The following RSPO3 variants were observed in gnomAD, a reference collection of about 807,000 sequenced individuals.
The protein encoded by RSPO3 is R-spondin 3, also known as R-spondin-3.
A neutral mutation model predicts 36.5 loss-of-function variants in RSPO3; 17 were observed. The ratio of observed to expected loss-of-function variants is 0.47; its 90% confidence interval spans 0.32 to 0.70. RSPO3 has a LOEUF of 0.70. RSPO3 is among the 30% of genes least tolerant of loss of function. The probability of loss-of-function intolerance (pLI) is 0.04; values close to 1 mark genes in which losing one functional copy is unlikely to be tolerated. For missense variants in RSPO3, 294 were observed against 322.5 expected, an observed-to-expected ratio of 0.91 and a Z score of 0.68; for synonymous variants, 108 against 107.0, an observed-to-expected ratio of 1.01 and a Z score of -0.06.
At chr6:127,163,237 C>G (rs540687014) in intron 4 of RSPO3, among the ~76,000 whole-genome samples, 1 of 152,238 alleles carries the variant, frequency 6.6e-6, no homozygotes, top group East Asian at 1.9e-4. Flanking sequence ...CTTTCATGCT[C>G]CTGTTCTCCT....
chr6:127,162,155 C>G (rs978419888), intron 4 of RSPO3, among the ~76,000 whole-genome samples: 9 of 152,094 alleles, frequency 5.9e-5, no homozygotes, highest in African/African-American at 2.2e-4. Context: ...CAGAACCTGG[C>G]ATAGTTTTTA....
intron 1 of RSPO3, among the ~76,000 whole-genome samples, chr6:127,137,483 C>G (rs1774183444): frequency 6.6e-6 from 1 of 152,156 alleles, no homozygotes; most frequent in Admixed American, 6.5e-5. Flanking sequence ...ATCAAGTAGA[C>G]TGTTACAGGA....
chr6:127,123,215 A>C (rs1198260686), intron 1 of RSPO3, among the ~76,000 whole-genome samples: 1 of 152,168 alleles, frequency 6.6e-6, no homozygotes, highest in Non-Finnish European at 1.5e-5. Flanking sequence ...AATCCTGGAA[A>C]ATAACAAGTT....
In RSPO3 at chr6:127,148,828, A is replaced by G. The variant is rs753080346; in HGVS notation, c.278A>G (p.Asn93Ser). Reference sequence around the variant, plus strand: ...TATGGAACTCGATATCCAGATATAAATAAGTGTACAAGTAAGTGCCCACAC... The same window carrying G: ...TATGGAACTCGATATCCAGATATAAGTAAGTGTACAAGTAAGTGCCCACAC... ...GYYGTRYPDI[N>S]KCTKCKADCD... The change falls in exon 2 of 5, where the codon AAT (asparagine) becomes AGT (serine). Residue 93 changes from asparagine to serine, a missense_variant. Asn to Ser is a conservative substitution (Grantham distance 46). This residue lies in a region of RSPO3 where 43 missense variants were observed against 86.0 expected (regional missense o/e 0.50). Coordinates refer to ENST00000356698, the MANE Select transcript of RSPO3 (RefSeq NM_032784.5). 3 of 1,611,302 alleles carry G rather than the reference A, an allele frequency of 1.9e-6. No individual in the cohort carries two copies. The highest frequency in any genetic ancestry group is 2.5e-6 in the Non-Finnish European group (3 of 1,178,432).
In RSPO3 at chr6:127,164,289, C is replaced by T. The variant is rs555585891; in HGVS notation, c.634+8851C>T. On this transcript the variant is annotated intron_variant, in intron 4 of 4. Coordinates refer to ENST00000356698, the MANE Select transcript of RSPO3 (RefSeq NM_032784.5). The stretch of plus-strand genomic sequence containing the variant: ...TGGCTCTGTTTAGAAAACAAGGGTA[C>T]TGACAAAAACACAACAGATGTAAAT... 1.4e-3 allele frequency among the ~76,000 whole-genome samples: 216 copies of T among 152,134 alleles called. 3 individuals are homozygous for T. The highest frequency in any genetic ancestry group is 9.7e-3 in the South Asian group (47 of 4,828).
chr6:127,153,109 C>T (rs561221924), intron 3 of RSPO3, among the ~76,000 whole-genome samples: 4 of 152,148 alleles, frequency 2.6e-5, no homozygotes, highest in South Asian at 2.1e-4. Context: ...TCCCAGGGAC[C>T]GGAGCTCATT....
At chr6:127,185,549 C>G (rs1775276168) in intron 4 of RSPO3, among the ~76,000 whole-genome samples, 1 of 152,036 alleles carries the variant, frequency 6.6e-6, no homozygotes, top group African/African-American at 2.4e-5. Context: ...TAATAAAGAG[C>G]TGAAAACATT....
At chr6:127,173,078 C>T (rs999065309) in intron 4 of RSPO3, among the ~76,000 whole-genome samples, 1 of 151,784 alleles carries the variant, frequency 6.6e-6, no homozygotes, top group South Asian at 2.1e-4. Context: ...ATACTTATCA[C>T]ACATGAGGCT....
chr6:127,195,815 C>T lies in RSPO3; in HGVS notation c.635-8C>T, dbSNP rs1241214899. The T allele has an allele frequency of 1.3e-6, 2 of 1,486,322 alleles. No homozygotes were observed. The highest frequency in any genetic ancestry group is 2.8e-5 in the African/African-American group (2 of 70,410). 92.1% of individuals were successfully genotyped at this position (1,486,322 alleles called of 1,614,324 possible). On this transcript the variant is annotated splice_polypyrimidine_tract_variant and splice_region_variant and intron_variant, in intron 4 of 4. Transcript: ENST00000356698. The stretch of plus-strand genomic sequence containing the variant: ...TGTAATTTTTAAAAGAGTATCCTTT[C>T]ATTTCAGGAAAAAAAGGAAGGGAGA...
At chr6:127,166,617 G>C (rs546383532) in intron 4 of RSPO3, among the ~76,000 whole-genome samples, 8 of 152,124 alleles carry the variant, frequency 5.3e-5, no homozygotes, top group African/African-American at 1.7e-4. Flanking sequence ...GCCTGGCACA[G>C]AGTAAGCACT....
intron 4 of RSPO3, among the ~76,000 whole-genome samples, chr6:127,191,797 G>T (rs1775413729): frequency 1.3e-5 from 2 of 152,150 alleles, no homozygotes; most frequent in South Asian, 4.1e-4. Context: ...TCCAAACTCT[G>T]GCCTGCTATC....
chr6:127,155,128 C>T, intron 3 of RSPO3, 113 bp from the exon 4 acceptor site: 1 of 995,996 alleles, frequency 1.0e-6, no homozygotes, highest in Non-Finnish European at 1.6e-6. Context: ...CTTTGATCTG[C>T]AAGATTCTTC....
At chr6:127,174,941 C>T (rs1281957100) in intron 4 of RSPO3, among the ~76,000 whole-genome samples, 1 of 151,684 alleles carries the variant, frequency 6.6e-6, no homozygotes, top group East Asian at 1.9e-4. Flanking sequence ...AAACTTTAAA[C>T]TAACCATGGA....
chr6:127,161,266 TGATA>T (rs1378220142), intron 4 of RSPO3, among the ~76,000 whole-genome samples: 1 of 152,136 alleles, frequency 6.6e-6, no homozygotes, highest in Non-Finnish European at 1.5e-5. Flanking sequence ...GCCAGCACCT[TGATA>T]GATATAGAAA....
In RSPO3 at chr6:127,127,189, G is replaced by T. The variant is rs868493244; in HGVS notation, c.97+7900G>T. On this transcript the variant is annotated intron_variant, in intron 1 of 4. Transcript: ENST00000356698. ...TATAAAATAACAGAATTTGTGAGCT[G>T]CTTATTTTAGAACACTGTTTTCTTA... Among the ~76,000 whole-genome samples the T allele has an allele frequency of 3.9e-5, 6 of 152,002 alleles. 1 individual carries two copies. The highest frequency in any genetic ancestry group is 4.1e-4 in the South Asian group (2 of 4,830).
At chr6:127,152,155 G>A (rs1192443698) in intron 3 of RSPO3, among the ~76,000 whole-genome samples, 1 of 152,134 alleles carries the variant, frequency 6.6e-6, no homozygotes, top group African/African-American at 2.4e-5. Flanking sequence ...GTAAGACTAA[G>A]ACTATTTATT....
chr6:127,166,459 C>T (rs1422898571), intron 4 of RSPO3, among the ~76,000 whole-genome samples: 1 of 151,960 alleles, frequency 6.6e-6, no homozygotes, highest in Non-Finnish European at 1.5e-5. Flanking sequence ...TTCAGTTGTG[C>T]TTTTTAACTA....
intron 4 of RSPO3, among the ~76,000 whole-genome samples, chr6:127,161,719 T>A (rs1406041318): frequency 3.3e-5 from 5 of 152,150 alleles, no homozygotes; most frequent in Non-Finnish European, 7.3e-5. Flanking sequence ...ATGCCTATAT[T>A]CTCTGAGATT....
chr6:127,148,497 TA>T (rs945169356), intron 1 of RSPO3, 150 bp from the exon 2 acceptor site: 5 of 540,286 alleles, frequency 9.3e-6, no homozygotes, highest in East Asian at 2.8e-5. Context: ...TAAAAGATCA[TA>T]AAAAAAGATA....
Sources: allele counts gnomAD v4.1 joint callset (sites outside exome capture counted in the v4.1 genomes callset), GRCh38; gene constraint gnomAD v4.1.1; regional missense constraint gnomAD v4.1.1; transcripts MANE v1.5; gene names NCBI Gene and HGNC (gene_info 2026-07-23, HGNC 2026-07-21).